LDLRAD3: variants seen among roughly 807,000 people sequenced by gnomAD.
The protein encoded by LDLRAD3 is low density lipoprotein receptor class A domain containing 3.
Under a neutral mutation model 29.4 loss-of-function variants are expected in LDLRAD3, and 20 were observed. The ratio of observed to expected loss-of-function variants is 0.68; its 90% CI spans 0.48 to 0.99. The LOEUF (loss-of-function observed/expected upper bound fraction) is 0.99, where lower values mean the gene tolerates loss of function less well. Ranked by LOEUF, LDLRAD3 falls within the 50% of genes least tolerant of loss-of-function variation. The pLI, the probability that LDLRAD3 is intolerant of heterozygous loss-of-function variation, is 0.00. For synonymous variants in LDLRAD3, 157 were observed against 192.7 expected (o/e 0.81, Z 1.53); for missense variants, 420 against 454.3 (o/e 0.92, Z 0.69).
At position 36,229,348 on chromosome 11, in the gene LDLRAD3, C is replaced by T. The variant is rs762693406; in HGVS notation, c.989C>T (p.Thr330Ile). 2 of 1,614,062 alleles carry T rather than the reference C, an allele frequency of 1.2e-6. No individual in the cohort carries two copies. The highest frequency in any genetic ancestry group is 1.7e-6 in the Non-Finnish European group (2 of 1,179,998). ...SPGQPGPQEG[T>I]AEPRDSEPSQ... Reference sequence around the variant, plus strand: ...GGGCAGCCTGGCCCCCAGGAGGGCACTGCTGAGCCCAGGGACTCTGAGCCC... The same window carrying T: ...GGGCAGCCTGGCCCCCAGGAGGGCATTGCTGAGCCCAGGGACTCTGAGCCC... The change falls in exon 6 of 6, where the codon ACT becomes ATT. Residue 330 changes from threonine (T) to isoleucine (I), a missense_variant. Physicochemically the swap from Thr to Ile is moderately conservative, Grantham distance 89 (BLOSUM62 -1). This residue lies in a region of LDLRAD3 where 140 missense variants were observed against 139.9 expected (regional missense o/e 1.00). Coordinates refer to ENST00000315571, the MANE Select transcript of LDLRAD3 (RefSeq NM_174902.4).
At chr11:36,135,951 C>T (rs1398116764) in intron 4 of LDLRAD3, among the ~76,000 whole-genome samples, 1 of 152,168 alleles carries the variant, frequency 6.6e-6, no homozygotes, top group African/African-American at 2.4e-5. Flanking sequence ...GTGGGAGATA[C>T]AGTATTTGGC....
At chr11:36,200,784 C>T (rs183061788) in intron 4 of LDLRAD3, among the ~76,000 whole-genome samples, 3 of 152,296 alleles carry the variant, frequency 2.0e-5, no homozygotes, top group African/African-American at 7.2e-5. Flanking sequence ...AAGTGTTCTT[C>T]TATCAATCAG....
At chr11:35,980,793 C>T (rs544519380) in intron 1 of LDLRAD3, among the ~76,000 whole-genome samples, 3 of 152,284 alleles carry the variant, frequency 2.0e-5, no homozygotes, top group South Asian at 2.1e-4. Context: ...ACTTAGAGGT[C>T]GTTCTTGTTG....
chr11:35,947,915 G>A (rs1851079213), intron 1 of LDLRAD3, among the ~76,000 whole-genome samples: 1 of 152,128 alleles, frequency 6.6e-6, no homozygotes, highest in Non-Finnish European at 1.5e-5. Flanking sequence ...CACTGCCCAG[G>A]ATCTATTCAG....
intron 4 of LDLRAD3, among the ~76,000 whole-genome samples, chr11:36,208,950 A>C (rs1855247050): frequency 6.6e-6 from 1 of 152,264 alleles, no homozygotes; most frequent in African/African-American, 2.4e-5. Context: ...CTTTGCAGTG[A>C]AGAATCCTGG....
chr11:36,098,627 G>A (rs2291876), intron 4 of LDLRAD3, among the ~76,000 whole-genome samples, 166 bp downstream of exon 4: 23,936 of 152,136 alleles, frequency 0.16, 3,752 homozygotes, highest in African/African-American at 0.4. Context: ...CCGTGTTTAC[G>A]TGGCTTTAAC....
chr11:36,032,217 G>A (rs1852243904), intron 1 of LDLRAD3, among the ~76,000 whole-genome samples: 1 of 152,160 alleles, frequency 6.6e-6, no homozygotes, highest in South Asian at 2.1e-4. Flanking sequence ...AATTTTGGGG[G>A]GACACAATTG....
At chr11:36,006,256 T>G (rs528441154) in intron 1 of LDLRAD3, among the ~76,000 whole-genome samples, 1 of 152,144 alleles carries the variant, frequency 6.6e-6, no homozygotes, top group East Asian at 1.9e-4. Flanking sequence ...AATTCACAGA[T>G]TAGGGGAAAA....
intron 4 of LDLRAD3, among the ~76,000 whole-genome samples, chr11:36,131,813 T>TTC (rs1853929824): frequency 6.6e-6 from 1 of 152,218 alleles, no homozygotes; most frequent in Non-Finnish European, 1.5e-5. Flanking sequence ...ATAGTCTATA[T>TTC]CACACATCTT....
chr11:36,189,945 A>T (rs1385046513), intron 4 of LDLRAD3, among the ~76,000 whole-genome samples: 2 of 152,102 alleles, frequency 1.3e-5, no homozygotes, highest in African/African-American at 4.8e-5. Flanking sequence ...TCCATGGTGT[A>T]TATGTGCCAC....
chr11:35,995,234 C>A (rs752305478), intron 1 of LDLRAD3, among the ~76,000 whole-genome samples: 1 of 152,188 alleles, frequency 6.6e-6, no homozygotes, highest in Non-Finnish European at 1.5e-5. Context: ...TCTTTGATCC[C>A]TGGGCTGCAG....
Position 36,006,483 on chromosome 11 carries a change from G to A in LDLRAD3, c.47-29620G>A, listed in dbSNP as rs149178297. On this transcript the variant is annotated intron_variant, in intron 1 of 5. Transcript: ENST00000315571. ...ACGAAGTAGGAGTTACTGAATGGAT[G>A]TGTGATGGTGGTTCACCCTCCCCGA... is the stretch of plus-strand genomic sequence containing the variant. Among the ~76,000 whole-genome samples the A allele has an allele frequency of 5.3e-5, 8 of 152,328 alleles. No homozygotes were observed. In the East Asian group the frequency reaches 1.4e-3, roughly 26 times the overall value.
At chr11:36,180,828 C>T (rs148429456) in intron 4 of LDLRAD3, among the ~76,000 whole-genome samples, 2 of 152,144 alleles carry the variant, frequency 1.3e-5, no homozygotes, top group Non-Finnish European at 2.9e-5. Flanking sequence ...ACGGTCAGTG[C>T]GGGCCATGCT....
At chr11:36,054,008 G>A (rs1852568328) in intron 2 of LDLRAD3, among the ~76,000 whole-genome samples, 2 of 152,194 alleles carry the variant, frequency 1.3e-5, no homozygotes, top group African/African-American at 4.8e-5. Context: ...ACTGTGGATT[G>A]TATAATCATC....
intron 1 of LDLRAD3, among the ~76,000 whole-genome samples, chr11:35,961,920 T>A (rs778300448): frequency 1.3e-5 from 2 of 152,114 alleles, no homozygotes; most frequent in Non-Finnish European, 2.9e-5. Flanking sequence ...CTTTTAGTTA[T>A]TTTAAAATGT....
At chr11:36,049,708 T>C (rs778623624) in intron 2 of LDLRAD3, among the ~76,000 whole-genome samples, 20 of 151,738 alleles carry the variant, frequency 1.3e-4, no homozygotes, top group Non-Finnish European at 2.2e-4. Flanking sequence ...GTAGGTTACA[T>C]TGCAAGTATT....
At chr11:36,229,138 C>G in intron 5 of LDLRAD3, 22 bp from the exon 6 acceptor site, 1 of 1,533,682 alleles carries the variant, frequency 6.5e-7, no homozygotes, top group Non-Finnish European at 9.0e-7. Flanking sequence ...TTGCCCCTGC[C>G]CCCCTGCTGT....
intron 4 of LDLRAD3, among the ~76,000 whole-genome samples, chr11:36,185,955 A>G (rs1365386556): frequency 6.6e-6 from 1 of 152,210 alleles, no homozygotes; most frequent in African/African-American, 2.4e-5. Context: ...AGAAAGATGG[A>G]CTTGACATTT....
At chr11:36,026,281 A>G (rs1852166217) in intron 1 of LDLRAD3, among the ~76,000 whole-genome samples, 1 of 152,164 alleles carries the variant, frequency 6.6e-6, no homozygotes, top group Admixed American at 6.5e-5. Flanking sequence ...CATTGTGTGA[A>G]TGTACCCTGT....
Sources: allele counts gnomAD v4.1 joint callset (sites outside exome capture counted in the v4.1 genomes callset), GRCh38; gene constraint gnomAD v4.1.1; regional missense constraint gnomAD v4.1.1; transcripts MANE v1.5; gene names NCBI Gene and HGNC (gene_info 2026-07-23, HGNC 2026-07-21).